The following WDR5 variants were observed in gnomAD, a reference collection of about 807,000 sequenced individuals.
WDR5 encodes WD repeat-containing protein 5.
For synonymous variants in WDR5, 144 were observed against 161.6 expected, an observed-to-expected ratio of 0.89 and a Z score of 0.83; for missense variants, 187 against 416.9, an observed-to-expected ratio of 0.45 and a Z score of 4.80.
In WDR5 at chr9:134,142,284, C is replaced by T. The variant is rs761419926; in HGVS notation, c.355-49C>T. 31 of 1,573,148 alleles carry T rather than the reference C, an allele frequency of 2.0e-5. No homozygotes were observed. The East Asian group carries it at 5.8e-4, about 30-fold the overall frequency. On this transcript the variant is annotated intron_variant, in intron 5 of 13. Transcript: ENST00000358625. ...ATTGATGAATGTGACCTGACTCTTACGTTTGGGGAAATAAGCACTGGAATA... is the reference window on the plus strand; with the variant it reads ...ATTGATGAATGTGACCTGACTCTTATGTTTGGGGAAATAAGCACTGGAATA...
Position 134,142,051 on chromosome 9 carries a change from C to CT in WDR5, c.354+13_354+14insT. Reference sequence around the variant, plus strand: ...GGACGTGAGCTCGGTAAGTGACACTCAGTGCTTCTCTCCAGGGGAGACCGG... The same window carrying CT: ...GGACGTGAGCTCGGTAAGTGACACTCTAGTGCTTCTCTCCAGGGGAGACCGG... On this transcript the variant is annotated intron_variant, in intron 5 of 13. Transcript: ENST00000358625. 6.2e-7 allele frequency: 1 copy of CT among 1,612,558 alleles called. No individual in the cohort carries two copies. Among genetic ancestry groups the CT allele is most frequent in the Non-Finnish European group, 8.5e-7 (1 of 1,178,846 alleles).
In WDR5 at chr9:134,136,523, C is replaced by T. The variant is rs546935626; in HGVS notation, c.-59+323C>T. ...GGCAGCGTGCCCGGCCTCACATCGC[C>T]CCTCTCCCTCCACTGCCCCTTCAGG... On this transcript the variant is annotated intron_variant, in intron 1 of 13. Transcript: ENST00000358625. 2.0e-5 allele frequency among the ~76,000 whole-genome samples: 3 copies of T among 152,300 alleles called. No individual in the cohort carries two copies. In the East Asian group the frequency reaches 5.8e-4, roughly 30 times the overall value.
At chr9:134,152,200 T>G (rs1832531337) in intron 9 of WDR5, among the ~76,000 whole-genome samples, 171 bp downstream of exon 9, 1 of 152,262 alleles carries the variant, frequency 6.6e-6, no homozygotes, top group Non-Finnish European at 1.5e-5. Context: ...GACCGCCCGC[T>G]GGCTCTGTTG....
intron 2 of WDR5, 123 bp from the exon 3 acceptor site, chr9:134,140,580 G>T: frequency 1.2e-6 from 1 of 802,352 alleles, no homozygotes; most frequent in Non-Finnish European, 2.2e-6. Flanking sequence ...GAAGGCACTG[G>T]GCATGTGGAT....
chr9:134,140,325 G>A (rs2132528244), intron 2 of WDR5, among the ~76,000 whole-genome samples: 1 of 152,290 alleles, frequency 6.6e-6, no homozygotes, highest in African/African-American at 2.4e-5. Flanking sequence ...TCAGTGTTCG[G>A]GGTCGGAGGG....
intron 5 of WDR5, 53 bp downstream of exon 5, chr9:134,142,091 G>A: frequency 1.9e-6 from 3 of 1,555,576 alleles, no homozygotes; most frequent in Admixed American, 1.7e-5. Flanking sequence ...AGGGCACGGG[G>A]CAGGTGCGGG....
chr9:134,147,863 G>GA (rs111446940), intron 7 of WDR5, among the ~76,000 whole-genome samples: 11,445 of 147,586 alleles, frequency 0.078, 889 homozygotes, highest in African/African-American at 0.21. Context: ...CTCTTATGAA[G>GA]AAAAAAAAAA....
intron 1 of WDR5, among the ~76,000 whole-genome samples, chr9:134,139,405 A>G (rs964648942): frequency 3.9e-5 from 6 of 152,038 alleles, no homozygotes; most frequent in Admixed American, 6.6e-5. Flanking sequence ...TGTGATCCCA[A>G]ATTTCTACAC....
At position 134,157,477 on chromosome 9, in the gene WDR5, AG is replaced by A. The variant is rs1564198714; in HGVS notation, c.905-414del. Among the ~76,000 whole-genome samples, 4 of 152,120 alleles carry A rather than the reference AG, an allele frequency of 2.6e-5. No individual in the cohort carries two copies. The highest frequency in any genetic ancestry group is 4.1e-4 in the South Asian group (2 of 4,820). On this transcript the variant is annotated intron_variant, in intron 13 of 13. Transcript: ENST00000358625. This position sits in a 1 kb window ranked among gnomAD's most constrained non-coding sequence, Gnocchi z 5.0. ...GTGGGAGTGGGCGGCTCAGGGTCCG[AG>A]GAGAAGAGGGACATTGTCGATAAAG...
intron 10 of WDR5, among the ~76,000 whole-genome samples, 196 bp downstream of exon 10, chr9:134,154,737 C>T (rs2132582937): frequency 6.6e-6 from 1 of 152,322 alleles, no homozygotes; most frequent in East Asian, 1.9e-4. Context: ...GAGGCTGAAC[C>T]TCAGGTCCGA....
chr9:134,141,425 T>C (rs1375356202), intron 3 of WDR5, 85 bp from the exon 4 acceptor site: 4 of 1,286,036 alleles, frequency 3.1e-6, no homozygotes, highest in African/African-American at 1.6e-5. Flanking sequence ...CTGGGACTCA[T>C]GTGGGAAAAG....
At chr9:134,144,310 C>T (rs1832057868) in intron 7 of WDR5, among the ~76,000 whole-genome samples, 1 of 152,306 alleles carries the variant, frequency 6.6e-6, no homozygotes, top group South Asian at 2.1e-4. Flanking sequence ...GGTGCCAGTC[C>T]GCTGCCCTCC....
In WDR5 at chr9:134,142,735, A is replaced by G. The variant is rs1245756665; in HGVS notation, c.528+16A>G. 8 of 1,613,526 alleles carry G rather than the reference A, an allele frequency of 5.0e-6. No homozygotes were observed. The highest frequency in any genetic ancestry group is 1.1e-5 in the South Asian group (1 of 91,076). ...AGTCTCGGCCGTAAGTCCCTCTGAC[A>G]CGGATGGGGTGGTGTCCAGCACTAC... On this transcript the variant is annotated intron_variant, in intron 7 of 13. Coordinates refer to ENST00000358625, the MANE Select transcript of WDR5 (RefSeq NM_017588.3).
At chr9:134,142,088 G>T in intron 5 of WDR5, 50 bp downstream of exon 5, 1 of 1,568,780 alleles carries the variant, frequency 6.4e-7, no homozygotes, top group Non-Finnish European at 8.8e-7. Context: ...TGCAGGGCAC[G>T]GGGCAGGTGC....
At chr9:134,149,660 A>G (rs149844041) in intron 8 of WDR5, among the ~76,000 whole-genome samples, 3 of 152,342 alleles carry the variant, frequency 2.0e-5, no homozygotes, top group African/African-American at 7.2e-5. Context: ...GAAATCAGAA[A>G]AAGTATACCA....
At chr9:134,145,100 T>TTTGTTTTTTTTG (rs1204841992) in intron 7 of WDR5, among the ~76,000 whole-genome samples, 3 of 116,946 alleles carry the variant, frequency 2.6e-5, no homozygotes, top group East Asian at 2.1e-4. Context: ...GGCTTTGTTT[T>TTTGTTTTTTTTG]TTTTTTTTTT....
At chr9:134,156,842 C>T (rs544789318) in intron 13 of WDR5, among the ~76,000 whole-genome samples, 9 of 152,332 alleles carry the variant, frequency 5.9e-5, no homozygotes, top group South Asian at 4.1e-4. Flanking sequence ...CATGCTGGTC[C>T]GGAAGGTGTG....
intron 3 of WDR5, 113 bp downstream of exon 3, chr9:134,140,924 C>T (rs372867928): frequency 1.1e-4 from 105 of 974,056 alleles, no homozygotes; most frequent in South Asian, 5.7e-4. Flanking sequence ...CGTAGCAGGC[C>T]GCTGGGGGGC....
chr9:134,144,509 C>CT (rs1019063964), intron 7 of WDR5, among the ~76,000 whole-genome samples: 6 of 152,130 alleles, frequency 3.9e-5, no homozygotes, highest in African/African-American at 1.4e-4. Flanking sequence ...TTTTAAAAGT[C>CT]TTTTTTTCTT....
Sources: gnomAD v4.1 joint callset for allele counts (sites outside exome capture counted in the v4.1 genomes callset) on GRCh38, gnomAD v4.1.1 for gene constraint, Gnocchi (gnomAD v3.1) non-coding constraint, MANE v1.5 for transcripts, NCBI Gene and HGNC (gene_info 2026-07-23, HGNC 2026-07-21) for gene names.